The following SLAMF1 variants were observed in gnomAD, a reference collection of about 807,000 sequenced individuals.
SLAMF1 encodes the protein signaling lymphocytic activation molecule family member 1, also known as signaling lymphocytic activation molecule.
A neutral mutation model predicts 35.1 loss-of-function variants in SLAMF1; 18 were observed. The ratio of observed to expected loss-of-function variants is 0.51; its 90% CI spans 0.35 to 0.76. The LOEUF (loss-of-function observed/expected upper bound fraction) is 0.76, where lower values mean the gene tolerates loss of function less well. Among genes scored for constraint, SLAMF1 ranks in the 30% least tolerant of loss-of-function variants. The probability of loss-of-function intolerance (pLI) is 0.01; values close to 1 mark genes in which losing one functional copy is unlikely to be tolerated. For missense variants in SLAMF1, 392 were observed against 413.0 expected, an observed-to-expected ratio of 0.95 and a Z score of 0.44; for synonymous variants, 168 against 157.2, an observed-to-expected ratio of 1.07 and a Z score of -0.51.
At chr1:160,622,043 A>G (rs899912452) in intron 4 of SLAMF1, among the ~76,000 whole-genome samples, 1 of 152,176 alleles carries the variant, frequency 6.6e-6, no homozygotes, top group African/African-American at 2.4e-5. Context: ...CAGTCCTCAA[A>G]GACTTTCAGT....
Position 160,647,002 on chromosome 1 carries a change from G to A in SLAMF1, c.-57C>T. The A allele has an allele frequency of 1.1e-6, 1 of 892,208 alleles. No homozygotes were observed. The allele number at this position is 892,208 out of a possible 1,614,324, so 55.3% of individuals were successfully genotyped here. A position where few individuals can be genotyped will look rare whatever the true frequency, so the allele number is the denominator to read the frequency against. On this transcript the variant is annotated 5_prime_UTR_variant, in exon 1 of 7. Coordinates refer to ENST00000302035, the MANE Select transcript of SLAMF1 (RefSeq NM_003037.5). ...CGGAGCCTGGCAGCTGCTCACAGAT[G>A]CCAGGCAGAAGCAAGCTTCGTGTCA...
chr1:160,618,294 G>A (rs981115191), intron 5 of SLAMF1, among the ~76,000 whole-genome samples: 3 of 152,260 alleles, frequency 2.0e-5, no homozygotes, highest in African/African-American at 7.2e-5. Context: ...ATCGAGATAT[G>A]TGTTTAAGGG....
Position 160,608,644 on chromosome 1 carries a change from T to A in SLAMF1, c.*2104A>T, listed in dbSNP as rs1215916741. On this transcript the variant is annotated 3_prime_UTR_variant, in exon 7 of 7. Transcript: ENST00000302035. ...GATAGCCTCTTCTTCACCCTTTGTT[T>A]CTGCCCTTCCTTCAGGTAGAATTCA... 3 of 152,244 alleles carry A rather than the reference T, an allele frequency of 2.0e-5. No individual in the cohort carries two copies. The highest frequency in any genetic ancestry group is 7.2e-5 in the African/African-American group (3 of 41,446). 9.4% of individuals were successfully genotyped at this position (152,244 alleles called of 1,614,324 possible).
chr1:160,621,736 G>A (rs1009930262), intron 4 of SLAMF1, among the ~76,000 whole-genome samples: 1 of 152,034 alleles, frequency 6.6e-6, no homozygotes, highest in Non-Finnish European at 1.5e-5. Flanking sequence ...GAAGTTCCAG[G>A]AATTCAAGGA....
At chr1:160,612,677 G>T in intron 5 of SLAMF1, 97 bp from the exon 6 acceptor site, 2 of 713,610 alleles carry the variant, frequency 2.8e-6, no homozygotes, top group Non-Finnish European at 4.9e-6. Flanking sequence ...AAGACTTGAG[G>T]CAGAAAGTTC....
At chr1:160,629,474 C>T (rs1323000041) in intron 3 of SLAMF1, among the ~76,000 whole-genome samples, 1 of 152,174 alleles carries the variant, frequency 6.6e-6, no homozygotes, top group Admixed American at 6.5e-5. Context: ...TCCTGCCTTT[C>T]ATGTGGTTCT....
intron 2 of SLAMF1, among the ~76,000 whole-genome samples, chr1:160,635,950 C>T (rs1378336742): frequency 6.6e-6 from 1 of 152,056 alleles, no homozygotes; most frequent in Non-Finnish European, 1.5e-5. Flanking sequence ...AGCCAAGTCC[C>T]AGGGAGGTGG....
intron 3 of SLAMF1, among the ~76,000 whole-genome samples, chr1:160,632,463 G>T (rs1368064076): frequency 2.6e-5 from 4 of 152,122 alleles, no homozygotes; most frequent in African/African-American, 9.7e-5. Context: ...TCCCACTGGT[G>T]CATTCTTGGT....
chr1:160,641,669 T>C (rs1257186565), intron 1 of SLAMF1, among the ~76,000 whole-genome samples: 1 of 151,872 alleles, frequency 6.6e-6, no homozygotes, highest in African/African-American at 2.4e-5. Context: ...TGTGTGAGTG[T>C]TGGGGTCTGG....
intron 5 of SLAMF1, among the ~76,000 whole-genome samples, chr1:160,615,373 G>GT (rs780333371): frequency 5.3e-5 from 8 of 152,022 alleles, no homozygotes; most frequent in Non-Finnish European, 1.0e-4. Flanking sequence ...TTAGACTTTG[G>GT]TAAGTCAAAG....
At chr1:160,619,609 A>G (rs1044388753) in intron 5 of SLAMF1, among the ~76,000 whole-genome samples, 167 bp downstream of exon 5, 8 of 152,192 alleles carry the variant, frequency 5.3e-5, no homozygotes, top group Non-Finnish European at 1.0e-4. Flanking sequence ...CCATTATTTC[A>G]AACACTGACG....
chr1:160,610,563 G>A lies in SLAMF1; in HGVS notation c.*185C>T, dbSNP rs1009375367. On this transcript the variant is annotated 3_prime_UTR_variant, in exon 7 of 7. Transcript: ENST00000302035. ...CACTGCACAGCAAGCTAAATTCTTG[G>A]GAAGCCTCACTTCCTTGTTCATTTC... 1.3e-5 allele frequency: 8 copies of A among 607,254 alleles called. No individual in the cohort carries two copies. Among genetic ancestry groups the A allele is most frequent in the Non-Finnish European group, 2.1e-5 (7 of 334,702 alleles). The allele number at this position is 607,254 out of a possible 1,614,324, so 37.6% of individuals were successfully genotyped here. A position where few individuals can be genotyped will look rare whatever the true frequency, so the allele number is the denominator to read the frequency against.
intron 1 of SLAMF1, among the ~76,000 whole-genome samples, chr1:160,639,116 C>T (rs373068974): frequency 6.6e-6 from 1 of 152,214 alleles, no homozygotes; most frequent in Non-Finnish European, 1.5e-5. Context: ...ACTTAGCAAA[C>T]AAACTCTTGG....
chr1:160,613,676 G>C (rs565003914), intron 5 of SLAMF1, among the ~76,000 whole-genome samples: 7 of 152,310 alleles, frequency 4.6e-5, no homozygotes, highest in Non-Finnish European at 7.3e-5. Context: ...TGTGATGGAA[G>C]GGTTAAGGAA....
intron 1 of SLAMF1, among the ~76,000 whole-genome samples, chr1:160,643,052 TC>T (rs1370836494): frequency 2.6e-5 from 4 of 151,430 alleles, no homozygotes; most frequent in Admixed American, 6.6e-5. Flanking sequence ...GCCCCCCACT[TC>T]CCCCTAGGAT....
At position 160,642,443 on chromosome 1, in the gene SLAMF1, A is replaced by G. The variant is rs887169524; in HGVS notation, c.76+4427T>C. The stretch of plus-strand genomic sequence containing the variant: ...CAATGGACAATGAACGCACTCCTTC[A>G]TATCATTCATCACGTGTTCAACTCT... On this transcript the variant is annotated intron_variant, in intron 1 of 6. Coordinates refer to ENST00000302035, the MANE Select transcript of SLAMF1 (RefSeq NM_003037.5). This position sits in a 1 kb window ranked among gnomAD's most constrained non-coding sequence, Gnocchi z 4.2. Among the ~76,000 whole-genome samples the G allele has an allele frequency of 1.3e-5, 2 of 152,186 alleles. No individual in the cohort carries two copies. Among genetic ancestry groups the G allele is most frequent in the Non-Finnish European group, 2.9e-5 (2 of 68,032 alleles).
In SLAMF1 at chr1:160,642,969, T is replaced by C. The variant is rs1421882369; in HGVS notation, c.76+3901A>G. 6.6e-6 allele frequency among the ~76,000 whole-genome samples: 1 copy of C among 152,218 alleles called. No individual in the cohort carries two copies. The highest frequency in any genetic ancestry group is 6.5e-5 in the Admixed American group (1 of 15,286). On this transcript the variant is annotated intron_variant, in intron 1 of 6. Transcript: ENST00000302035. This position sits in a 1 kb window ranked among gnomAD's most constrained non-coding sequence, Gnocchi z 4.2. ...TCATTTTTATTAACTTTATCCCAAA[T>C]GTGCACATGAGATATACTGGATTAG...
chr1:160,646,952 A>C lies in SLAMF1; in HGVS notation c.-7T>G, dbSNP rs112854102. ...GGAGCCCCTTGGGATCCATCAGCCA[A>C]TGAGGAGAAGGAAGGGATCCTGGCC... is the stretch of plus-strand genomic sequence containing the variant. On this transcript the variant is annotated 5_prime_UTR_variant, in exon 1 of 7. Transcript: ENST00000302035. 8.9e-3 allele frequency: 13,864 copies of C among 1,558,022 alleles called. 90 individuals carry two copies. Among genetic ancestry groups the C allele is most frequent in the South Asian group, 0.015 (1,309 of 89,588 alleles).
chr1:160,625,741 A>G (rs1427044430), intron 3 of SLAMF1, among the ~76,000 whole-genome samples: 1 of 152,134 alleles, frequency 6.6e-6, no homozygotes, highest in Non-Finnish European at 1.5e-5. Flanking sequence ...ATAAAGCATG[A>G]CATTTTGAAT....
Sources: gnomAD v4.1 joint callset for allele counts (sites outside exome capture counted in the v4.1 genomes callset) on GRCh38, gnomAD v4.1.1 for gene constraint, Gnocchi (gnomAD v3.1) non-coding constraint, MANE v1.5 for transcripts, NCBI Gene and HGNC (gene_info 2026-07-23, HGNC 2026-07-21) for gene names.